The following AIG1 variants were observed in gnomAD, a reference collection of about 807,000 sequenced individuals.
AIG1 encodes androgen induced 1, also known as androgen-induced gene 1 protein.
AIG1 carries 23 observed loss-of-function variants against 31.4 expected under a neutral mutation model. That is an observed-to-expected ratio of 0.73 (90% CI 0.53 to 1.04). AIG1 has a LOEUF of 1.04. Ranked by LOEUF, AIG1 falls within the 50% of genes least tolerant of loss-of-function variation. The probability of loss-of-function intolerance (pLI) is 0.00; values close to 1 mark genes in which losing one functional copy is unlikely to be tolerated. For synonymous variants in AIG1, 100 were observed against 110.5 expected (o/e 0.90, Z 0.60); for missense variants, 274 against 295.0 (o/e 0.93, Z 0.52).
intron 2 of AIG1, among the ~76,000 whole-genome samples, chr6:143,143,931 C>A (rs2128534331): frequency 6.6e-6 from 1 of 152,184 alleles, no homozygotes; most frequent in East Asian, 1.9e-4. Flanking sequence ...GGTGAGTGGT[C>A]TTACAATTAT....
chr6:143,200,316 A>T (rs1790594955), intron 3 of AIG1, among the ~76,000 whole-genome samples: 1 of 152,164 alleles, frequency 6.6e-6, no homozygotes, highest in East Asian at 1.9e-4. Flanking sequence ...AATGGAAATT[A>T]TGACAACATC....
At chr6:143,314,680 A>T (rs748375992) in intron 4 of AIG1, among the ~76,000 whole-genome samples, 4 of 152,274 alleles carry the variant, frequency 2.6e-5, no homozygotes, top group Middle Eastern at 3.4e-3. Flanking sequence ...AAGTAGAACG[A>T]TATTCTGTGT....
At chr6:143,339,134 C>T (rs1364416258) in intron 5 of AIG1, 1 of 151,332 alleles carries the variant, frequency 6.6e-6, no homozygotes, top group Non-Finnish European at 1.5e-5. Flanking sequence ...GCTCTTATGG[C>T]TAATAAACTC....
intron 4 of AIG1, among the ~76,000 whole-genome samples, chr6:143,307,002 A>T (rs1055778680): frequency 1.4e-4 from 21 of 152,184 alleles, no homozygotes; most frequent in Middle Eastern, 6.8e-3. Flanking sequence ...TCGGCTCCTG[A>T]GGCTTCTGCA....
chr6:143,277,924 A>G (rs1797061240), intron 3 of AIG1, among the ~76,000 whole-genome samples: 1 of 152,202 alleles, frequency 6.6e-6, no homozygotes, highest in Non-Finnish European at 1.5e-5. Context: ...GAGATCTAAA[A>G]TAGTCTTGAG....
chr6:143,298,717 G>A lies in AIG1; in HGVS notation c.515+14492G>A, dbSNP rs1352585415. 1.3e-5 allele frequency: 2 copies of A among 152,270 alleles called. No homozygotes were observed. The highest frequency in any genetic ancestry group is 2.9e-5 in the Non-Finnish European group (2 of 68,174). 9.4% of individuals were successfully genotyped at this position (152,270 alleles called of 1,614,324 possible). ...TTTGAGGCTGTAGTATAGTATGCTT[G>A]TGCCACTGCACTCCACCCTGGGCAA... On this transcript the variant is annotated intron_variant, in intron 4 of 5. Coordinates refer to ENST00000357847, the MANE Select transcript of AIG1 (RefSeq NM_016108.4). The surrounding 1 kb of genome is among the most constrained non-coding windows in gnomAD (Gnocchi z 5.1).
At chr6:143,308,191 C>T (rs985857807) in intron 4 of AIG1, among the ~76,000 whole-genome samples, 2 of 152,232 alleles carry the variant, frequency 1.3e-5, no homozygotes, top group African/African-American at 4.8e-5. Flanking sequence ...TGCTTCGGCT[C>T]GCGCACGGTG....
chr6:143,286,246 G>A (rs948714696), intron 4 of AIG1, among the ~76,000 whole-genome samples: 1 of 151,934 alleles, frequency 6.6e-6, no homozygotes, highest in Non-Finnish European at 1.5e-5. Context: ...GAGACACATG[G>A]GAAATACCAC....
chr6:143,153,663 A>G (rs979974085), intron 2 of AIG1, among the ~76,000 whole-genome samples: 9 of 152,108 alleles, frequency 5.9e-5, no homozygotes, highest in Non-Finnish European at 1.0e-4. Flanking sequence ...TTTTAAATGC[A>G]TTTATTACTA....
At chr6:143,135,407 A>G (rs1176594874) in intron 1 of AIG1, among the ~76,000 whole-genome samples, 1 of 152,156 alleles carries the variant, frequency 6.6e-6, no homozygotes, top group African/African-American at 2.4e-5. Flanking sequence ...TCTAAGTATG[A>G]AATTATTCCC....
chr6:143,119,048 A>G (rs943868557), intron 1 of AIG1, among the ~76,000 whole-genome samples: 1 of 151,786 alleles, frequency 6.6e-6, no homozygotes, highest in African/African-American at 2.4e-5. Flanking sequence ...TAGTTTTTCT[A>G]TTTTTTGTAG....
chr6:143,090,087 A>G (rs1779160355), intron 1 of AIG1, among the ~76,000 whole-genome samples: 1 of 152,210 alleles, frequency 6.6e-6, no homozygotes, highest in East Asian at 1.9e-4. Flanking sequence ...TTAGGATGAA[A>G]CTAATTGCTT....
intron 2 of AIG1, among the ~76,000 whole-genome samples, chr6:143,138,566 C>A (rs755373663): frequency 6.6e-6 from 1 of 151,950 alleles, no homozygotes; most frequent in Non-Finnish European, 1.5e-5. Flanking sequence ...CCTGTGGAAG[C>A]CTTCGTTGGC....
intron 1 of AIG1, among the ~76,000 whole-genome samples, chr6:143,080,660 CT>C (rs1306697471): frequency 2.0e-5 from 3 of 151,972 alleles, no homozygotes; most frequent in Non-Finnish European, 4.4e-5. Context: ...CCAAGAGGAT[CT>C]ACGATTCTAG....
chr6:143,337,013 T>C (rs1397329821), intron 5 of AIG1, among the ~76,000 whole-genome samples: 2 of 152,216 alleles, frequency 1.3e-5, no homozygotes, highest in African/African-American at 4.8e-5. Context: ...AATAATCCTC[T>C]TTGGCTAGAT....
chr6:143,161,105 A>C (rs937223488), intron 2 of AIG1, among the ~76,000 whole-genome samples: 1 of 152,210 alleles, frequency 6.6e-6, no homozygotes, highest in Non-Finnish European at 1.5e-5. Flanking sequence ...CCATGATGGA[A>C]TAGTAAGAAC....
At chr6:143,207,450 A>T (rs374471918) in intron 3 of AIG1, among the ~76,000 whole-genome samples, 1 of 152,270 alleles carries the variant, frequency 6.6e-6, no homozygotes, top group East Asian at 1.9e-4. Flanking sequence ...TACAGAAAGC[A>T]ATTATCTAAG....
chr6:143,207,676 A>T (rs1430323423), intron 3 of AIG1, among the ~76,000 whole-genome samples: 1 of 152,174 alleles, frequency 6.6e-6, no homozygotes, highest in East Asian at 1.9e-4. Context: ...ATTCTTGGTC[A>T]TAGAAGGTGA....
At chr6:143,236,220 G>A (rs1345139091) in intron 3 of AIG1, among the ~76,000 whole-genome samples, 2 of 152,190 alleles carry the variant, frequency 1.3e-5, no homozygotes, top group African/African-American at 2.4e-5. Flanking sequence ...CATACGGCTG[G>A]TGTCCCTCCT....
Sources: allele counts gnomAD v4.1 joint callset (sites outside exome capture counted in the v4.1 genomes callset), GRCh38; gene constraint gnomAD v4.1.1; non-coding constraint Gnocchi (gnomAD v3.1); transcripts MANE v1.5; gene names NCBI Gene and HGNC (gene_info 2026-07-23, HGNC 2026-07-21).